The following ZNF410 variants were observed in gnomAD, a reference collection of about 807,000 sequenced individuals.
ZNF410 encodes the protein another partner for ARF 1.
ZNF410 carries 18 observed loss-of-function variants against 54.8 expected under a neutral mutation model. The observed-to-expected ratio is 0.33, with a 90% CI of 0.23 to 0.49. The LOEUF is 0.49. ZNF410 is among the 20% of genes least tolerant of loss of function. ZNF410 has a pLI of 0.99. For synonymous variants in ZNF410, 191 were observed against 207.3 expected (o/e 0.92, Z 0.68); for missense variants, 405 against 569.6 (o/e 0.71, Z 2.94).
intron 3 of ZNF410, 126 bp from the exon 4 acceptor site, chr14:73,896,190 G>A: frequency 1.5e-6 from 1 of 688,848 alleles, no homozygotes; most frequent in Non-Finnish European, 2.5e-6. Flanking sequence ...TTTTATTTGT[G>A]TAATGAGAAT....
intron 1 of ZNF410, among the ~76,000 whole-genome samples, chr14:73,887,877 G>A (rs1200222193): frequency 6.6e-6 from 1 of 152,096 alleles, no homozygotes; most frequent in African/African-American, 2.4e-5. Context: ...TAAACGAAGG[G>A]GTTTACCTTT....
At position 73,886,909 on chromosome 14, in the gene ZNF410, C is replaced by T. The variant is rs945382225; in HGVS notation, c.-156C>T. On this transcript the variant is annotated 5_prime_UTR_variant, in exon 1 of 12. Coordinates refer to ENST00000555044, the MANE Select transcript of ZNF410 (RefSeq NM_021188.3). Reference sequence around the variant, plus strand: ...CTGACGGCCGGCCGGCTTCCCGGAACTGGAAGGTGAGCTCCGAGGTGGGCC... The same window carrying T: ...CTGACGGCCGGCCGGCTTCCCGGAATTGGAAGGTGAGCTCCGAGGTGGGCC... The T allele has an allele frequency of 5.2e-5, 8 of 152,810 alleles. No individual in the cohort carries two copies. The South Asian group carries it at 6.2e-4, about 12-fold the overall frequency. The allele number at this position is 152,810 out of a possible 1,614,324, so 9.5% of individuals were successfully genotyped here. A position where few individuals can be genotyped will look rare whatever the true frequency, so the allele number is the denominator to read the frequency against.
chr14:73,931,332 G>A (rs1005498209), intron 11 of ZNF410, among the ~76,000 whole-genome samples, 171 bp from the exon 12 acceptor site: 4 of 152,144 alleles, frequency 2.6e-5, no homozygotes, highest in Non-Finnish European at 5.9e-5. Context: ...GCTGTCCCAA[G>A]GCCACAGTGA....
At position 73,904,137 on chromosome 14, in the gene ZNF410, G is replaced by A. The variant is rs778435064; in HGVS notation, c.731+27G>A. On this transcript the variant is annotated intron_variant, in intron 6 of 11. Transcript: ENST00000555044. ...TGAGCAAATCCGAGATCTCATATTT[G>A]GATATACGTTGATGCAAAAGTTGAT... 13 of 1,594,942 alleles carry A rather than the reference G, an allele frequency of 8.2e-6. 1 individual carries two copies. The South Asian group carries it at 1.1e-4, about 14-fold the overall frequency.
intron 8 of ZNF410, chr14:73,920,165 A>C (rs186317610): frequency 6.6e-6 from 1 of 152,038 alleles, no homozygotes; most frequent in South Asian, 2.1e-4. Flanking sequence ...TGTATTTTGC[A>C]TTCCCAGCAA....
intron 6 of ZNF410, 127 bp from the exon 7 acceptor site, chr14:73,904,775 T>C: frequency 9.6e-7 from 1 of 1,046,342 alleles, no homozygotes; most frequent in Non-Finnish European, 1.3e-6. Flanking sequence ...AACAAAGTCT[T>C]CAGTTGATTC....
At chr14:73,889,365 TAG>T (rs1183691685) in intron 1 of ZNF410, among the ~76,000 whole-genome samples, 1 of 140,744 alleles carries the variant, frequency 7.1e-6, no homozygotes, top group East Asian at 2.1e-4. Context: ...TTTGTAGAAA[TAG>T]AGTCTCACTG....
At chr14:73,931,096 A>C (rs1279198205) in intron 11 of ZNF410, among the ~76,000 whole-genome samples, 1 of 152,168 alleles carries the variant, frequency 6.6e-6, no homozygotes, top group Non-Finnish European at 1.5e-5. Context: ...GTACTTATAA[A>C]GGAACAGCTC....
chr14:73,922,443 TTCCTAA>T (rs1398471468), intron 10 of ZNF410: 1 of 299,720 alleles, frequency 3.3e-6, no homozygotes, highest in African/African-American at 2.2e-5. Flanking sequence ...GAAAAAATTA[TTCCTAA>T]TCCTAGCATC....
intron 8 of ZNF410, among the ~76,000 whole-genome samples, chr14:73,918,652 T>C (rs1444949075): frequency 6.6e-6 from 1 of 151,202 alleles, no homozygotes; most frequent in Non-Finnish European, 1.5e-5. Flanking sequence ...GCTTTCTGTG[T>C]CTGGATTTGC....
chr14:73,908,545 A>G (rs781545957), intron 7 of ZNF410, among the ~76,000 whole-genome samples: 2 of 152,176 alleles, frequency 1.3e-5, no homozygotes, highest in Non-Finnish European at 2.9e-5. Flanking sequence ...AAAGAATAGT[A>G]TAATCTAGCA....
At chr14:73,917,695 T>G (rs2055689035) in intron 8 of ZNF410, among the ~76,000 whole-genome samples, 1 of 152,044 alleles carries the variant, frequency 6.6e-6, no homozygotes, top group Non-Finnish European at 1.5e-5. Context: ...TGGTGGCATG[T>G]GCCTGTAATC....
At chr14:73,925,212 A>G (rs1277723244) in intron 11 of ZNF410, among the ~76,000 whole-genome samples, 1 of 152,134 alleles carries the variant, frequency 6.6e-6, no homozygotes, top group Non-Finnish European at 1.5e-5. Context: ...GTTCTTTCCT[A>G]AGTCACTTTT....
chr14:73,919,612 A>G (rs748838650), intron 8 of ZNF410, among the ~76,000 whole-genome samples: 1 of 152,162 alleles, frequency 6.6e-6, no homozygotes, highest in Non-Finnish European at 1.5e-5. Context: ...TGCAGAGGAC[A>G]TGATTTTGTT....
rs140381608 is a variant in ZNF410 at position 73,902,430 on chromosome 14, C to T, written c.581-1530C>T. On this transcript the variant is annotated intron_variant, in intron 5 of 11. Transcript: ENST00000555044. Reference sequence around the variant, plus strand: ...ACCTTGGGGCAATATTAAAGAAAAACTTAATAGTAACTAGCAGGAAGCATC... The same window carrying T: ...ACCTTGGGGCAATATTAAAGAAAAATTTAATAGTAACTAGCAGGAAGCATC... Among the ~76,000 whole-genome samples the T allele has an allele frequency of 5.8e-3, 880 of 152,126 alleles. 7 individuals are homozygous for T. The highest frequency in any genetic ancestry group is 0.02 in the African/African-American group (838 of 41,498).
At chr14:73,920,890 T>A in intron 8 of ZNF410, 90 bp from the exon 9 acceptor site, 1 of 1,543,456 alleles carries the variant, frequency 6.5e-7, no homozygotes, top group Non-Finnish European at 8.8e-7. Flanking sequence ...TATGTTCAGT[T>A]TAACATTCTC....
intron 2 of ZNF410, among the ~76,000 whole-genome samples, chr14:73,892,714 G>T (rs58204112): frequency 1.3e-5 from 2 of 152,044 alleles, no homozygotes; most frequent in Non-Finnish European, 2.9e-5. Flanking sequence ...TTTGAGGATT[G>T]GCATTGCTCC....
intron 8 of ZNF410, among the ~76,000 whole-genome samples, chr14:73,918,184 C>T (rs527862300): frequency 6.6e-6 from 1 of 152,264 alleles, no homozygotes; most frequent in South Asian, 2.1e-4. Flanking sequence ...GATCTTGGCT[C>T]AATGAAACTT....
chr14:73,919,886 GT>G (rs1158550117), intron 8 of ZNF410, among the ~76,000 whole-genome samples: 1,292 of 61,980 alleles, frequency 0.021, 8 homozygotes, highest in East Asian at 0.16. Flanking sequence ...TATTGTATAG[GT>G]TTTTTTTTTT....
Sources: gnomAD v4.1 joint callset for allele counts (sites outside exome capture counted in the v4.1 genomes callset) on GRCh38, gnomAD v4.1.1 for gene constraint, MANE v1.5 for transcripts, NCBI Gene and HGNC (gene_info 2026-07-23, HGNC 2026-07-21) for gene names.